The following TMTC3 variants were observed in gnomAD, a reference collection of about 807,000 sequenced individuals.
TMTC3 encodes protein O-mannosyl-transferase TMTC3.
In TMTC3, 52 loss-of-function variants were observed where a neutral mutation model predicts 92.2. That is an observed-to-expected ratio of 0.56 (90% confidence interval 0.45 to 0.71). The LOEUF is 0.71. Among genes scored for constraint, TMTC3 ranks in the 30% least tolerant of loss-of-function variants. The pLI, the probability that TMTC3 is intolerant of heterozygous loss-of-function variation, is 0.00. For synonymous variants in TMTC3, 339 were observed against 363.3 expected (o/e 0.93, Z 0.76); for missense variants, 896 against 1,057.1 (o/e 0.85, Z 2.11).
At chr12:88,192,028 C>CTTTTTTTTT (rs112229647) in intron 12 of TMTC3, among the ~76,000 whole-genome samples, 6 of 123,032 alleles carry the variant, frequency 4.9e-5, no homozygotes, top group African/African-American at 1.8e-4. Flanking sequence ...TTTTTTTTTT[C>CTTTTTTTTT]TTTTTTTTTT....
chr12:88,157,413 G>A (rs1157087179), intron 4 of TMTC3, among the ~76,000 whole-genome samples: 1 of 151,388 alleles, frequency 6.6e-6, no homozygotes, highest in Non-Finnish European at 1.5e-5. Flanking sequence ...TACCCCTTTT[G>A]TAAATATGGT....
chr12:88,186,357 C>T (rs1044030093), intron 10 of TMTC3, among the ~76,000 whole-genome samples: 2 of 152,122 alleles, frequency 1.3e-5, no homozygotes, highest in Non-Finnish European at 2.9e-5. Context: ...GGTAAGTTCC[C>T]TTCTAAACAA....
At chr12:88,172,915 C>T in intron 8 of TMTC3, 170 bp downstream of exon 8, 1 of 1,502,626 alleles carries the variant, frequency 6.7e-7, no homozygotes, top group Middle Eastern at 1.7e-4. Flanking sequence ...AGCTCCATGG[C>T]ACCTACTTAT....
In TMTC3 at chr12:88,198,404, A is replaced by G. The variant is rs2041540443; in HGVS notation, c.*2755A>G. 2.5e-6 allele frequency: 1 copy of G among 398,154 alleles called. No individual in the cohort carries two copies. Among genetic ancestry groups the G allele is most frequent in the Admixed American group, 4.4e-5 (1 of 22,704 alleles). 24.7% of individuals were successfully genotyped at this position (398,154 alleles called of 1,614,324 possible). A position where few individuals can be genotyped will look rare whatever the true frequency, so the allele number is the denominator to read the frequency against. The stretch of plus-strand genomic sequence containing the variant: ...AGAGAATCAGCTCTCCAGCAGTTCT[A>G]GAAAAGCTTTGACAATCCCCAAGGG... On this transcript the variant is annotated 3_prime_UTR_variant, in exon 14 of 14. Transcript: ENST00000266712.
chr12:88,194,212 AC>A (rs1048410947), intron 13 of TMTC3, among the ~76,000 whole-genome samples: 2 of 151,998 alleles, frequency 1.3e-5, no homozygotes, highest in African/African-American at 4.8e-5. Context: ...ACATAGTGAG[AC>A]CCTGTCTCAA....
intron 10 of TMTC3, among the ~76,000 whole-genome samples, chr12:88,186,413 G>T (rs995582186): frequency 1.3e-5 from 2 of 152,040 alleles, no homozygotes; most frequent in African/African-American, 4.8e-5. Flanking sequence ...GAGATGTGAG[G>T]AGAGATAAGA....
Position 88,143,645 on chromosome 12 carries a change from TGTAA to T in TMTC3, c.-29+1161_-29+1164del, listed in dbSNP as rs1265311257. On this transcript the variant is annotated intron_variant, in intron 1 of 13. Coordinates refer to ENST00000266712, the MANE Select transcript of TMTC3 (RefSeq NM_181783.4). ...TTTATTAAATGTTATATTTTAATTT[TGTAA>T]GTGTTTACTCAATAATTTGAATTAA... 3.9e-5 allele frequency among the ~76,000 whole-genome samples: 6 copies of T among 152,372 alleles called. No individual in the cohort carries two copies. In the East Asian group the frequency reaches 9.6e-4, roughly 24 times the overall value.
chr12:88,145,391 T>C (rs996827525), intron 1 of TMTC3, among the ~76,000 whole-genome samples: 2 of 152,206 alleles, frequency 1.3e-5, no homozygotes, highest in Non-Finnish European at 2.9e-5. Context: ...CTTAATACAA[T>C]TTACAGTTTT....
intron 6 of TMTC3, among the ~76,000 whole-genome samples, chr12:88,165,821 G>GATATGGT (rs1346135708): frequency 6.6e-6 from 1 of 152,068 alleles, no homozygotes; most frequent in African/African-American, 2.4e-5. Context: ...GAAGCTAGGT[G>GATATGGT]ATATGGTTTT....
At chr12:88,155,346 T>A (rs921389754) in intron 4 of TMTC3, among the ~76,000 whole-genome samples, 3 of 152,190 alleles carry the variant, frequency 2.0e-5, no homozygotes, top group African/African-American at 7.2e-5. Flanking sequence ...CATCATGTAG[T>A]AGGAGGTACT....
chr12:88,151,677 AAT>A (rs144381780), intron 2 of TMTC3, among the ~76,000 whole-genome samples: 8,902 of 152,282 alleles, frequency 0.058, 321 homozygotes, highest in Non-Finnish European at 0.088. Context: ...TGCAATTCAA[AAT>A]ACATATTCCC....
At chr12:88,172,802 T>G (rs2041220181) in intron 8 of TMTC3, 57 bp downstream of exon 8, 2 of 1,551,114 alleles carry the variant, frequency 1.3e-6, no homozygotes, top group Non-Finnish European at 8.7e-7. Context: ...GTGACACATT[T>G]TAAAATTTAA....
chr12:88,175,723 A>C (rs1050998213), intron 9 of TMTC3, among the ~76,000 whole-genome samples: 3 of 152,224 alleles, frequency 2.0e-5, no homozygotes, highest in Admixed American at 6.6e-5. Flanking sequence ...GCTAGGTGTC[A>C]TCTATCTGCA....
intron 2 of TMTC3, 82 bp from the exon 3 acceptor site, chr12:88,153,209 T>G: frequency 1.3e-6 from 1 of 797,166 alleles, no homozygotes; most frequent in African/African-American, 1.8e-5. Flanking sequence ...ATTAATATCT[T>G]TAATGGTAAA....
chr12:88,164,785 A>G (rs2041124763), intron 6 of TMTC3, among the ~76,000 whole-genome samples: 2 of 152,198 alleles, frequency 1.3e-5, no homozygotes, highest in Non-Finnish European at 2.9e-5. Flanking sequence ...GGCGCTGGGT[A>G]GAATAAATTT....
intron 10 of TMTC3, among the ~76,000 whole-genome samples, chr12:88,178,456 A>G (rs1209967303): frequency 6.6e-6 from 1 of 152,188 alleles, no homozygotes; most frequent in Non-Finnish European, 1.5e-5. Context: ...AGCTGTAAGC[A>G]AATAGTTTTC....
chr12:88,170,283 T>A (rs1463991257), intron 7 of TMTC3, among the ~76,000 whole-genome samples: 1 of 152,226 alleles, frequency 6.6e-6, no homozygotes, highest in Non-Finnish European at 1.5e-5. Flanking sequence ...TGAGTGAATT[T>A]AACACTTAAT....
intron 10 of TMTC3, among the ~76,000 whole-genome samples, chr12:88,177,035 A>G (rs2041267180): frequency 6.6e-6 from 1 of 151,942 alleles, no homozygotes; most frequent in Non-Finnish European, 1.5e-5. Flanking sequence ...GCTTTTTTAA[A>G]CCAGTTTGGG....
At chr12:88,177,321 C>G (rs1264745963) in intron 10 of TMTC3, among the ~76,000 whole-genome samples, 1 of 148,432 alleles carries the variant, frequency 6.7e-6, no homozygotes, top group Non-Finnish European at 1.5e-5. Context: ...GTGATATACT[C>G]TGTCTCAAAA....
Sources: allele counts gnomAD v4.1 joint callset (sites outside exome capture counted in the v4.1 genomes callset), GRCh38; gene constraint gnomAD v4.1.1; transcripts MANE v1.5; gene names NCBI Gene and HGNC (gene_info 2026-07-23, HGNC 2026-07-21).